LRP8: variants seen among roughly 807,000 people sequenced by gnomAD.
LRP8 encodes the protein low-density lipoprotein receptor-related protein 8.
A neutral mutation model predicts 111.6 loss-of-function variants in LRP8; 46 were observed. That is an observed-to-expected ratio of 0.41 (90% CI 0.33 to 0.53). LRP8 has a LOEUF of 0.53. LRP8 is among the 20% of genes least tolerant of loss of function. The pLI, the probability that LRP8 is intolerant of heterozygous loss-of-function variation, is 0.20. For synonymous variants in LRP8, 464 were observed against 511.2 expected (o/e 0.91, Z 1.24); for missense variants, 959 against 1,297.4 (o/e 0.74, Z 4.01).
chr1:53,272,632 T>C (rs1261219629), intron 6 of LRP8: 3 of 1,289,490 alleles, frequency 2.3e-6, no homozygotes, highest in East Asian at 1.1e-4. Flanking sequence ...TTCCCAGGAA[T>C]GTTGGCGGAA....
rs1646176783 is a variant in LRP8 at position 53,258,235 on chromosome 1, C to T, written c.2209+84G>A. 4 of 1,392,398 alleles carry T rather than the reference C, an allele frequency of 2.9e-6. No homozygotes were observed. The East Asian group carries it at 9.7e-5, about 34-fold the overall frequency. The allele number at this position is 1,392,398 out of a possible 1,614,324, so 86.3% of individuals were successfully genotyped here. On this transcript the variant is annotated intron_variant, in intron 14 of 18. Coordinates refer to ENST00000306052, the MANE Select transcript of LRP8 (RefSeq NM_004631.5). ...AAGATGGAAGAAAACCAGCAGCATACTGTGTCCCAGAAGCCAAGGGAAGAT... is the reference window on the plus strand; with the variant it reads ...AAGATGGAAGAAAACCAGCAGCATATTGTGTCCCAGAAGCCAAGGGAAGAT...
intron 2 of LRP8, among the ~76,000 whole-genome samples, chr1:53,300,059 G>T (rs1557835312): frequency 6.6e-6 from 1 of 152,206 alleles, no homozygotes; most frequent in East Asian, 1.9e-4. Context: ...TAATCAAAGA[G>T]CCATCTTTCC....
At chr1:53,252,658 T>C (rs1170097167) in intron 16 of LRP8, among the ~76,000 whole-genome samples, 1 of 152,188 alleles carries the variant, frequency 6.6e-6, no homozygotes, top group Non-Finnish European at 1.5e-5. Context: ...GTGTAATCTA[T>C]AAAATTCTGC....
intron 16 of LRP8, among the ~76,000 whole-genome samples, chr1:53,251,391 T>C (rs537979821): frequency 6.6e-6 from 1 of 152,122 alleles, no homozygotes; most frequent in African/African-American, 2.4e-5. Flanking sequence ...GAGTGTTTAT[T>C]TCCAAAGGTG....
At chr1:53,252,766 T>G (rs1400354909) in intron 16 of LRP8, among the ~76,000 whole-genome samples, 1 of 152,246 alleles carries the variant, frequency 6.6e-6, no homozygotes, top group Admixed American at 6.5e-5. Flanking sequence ...TAAACTCATA[T>G]ATCTAAAACA....
At chr1:53,315,129 T>C (rs1350714317) in intron 2 of LRP8, among the ~76,000 whole-genome samples, 2 of 151,996 alleles carry the variant, frequency 1.3e-5, no homozygotes, top group African/African-American at 4.8e-5. Flanking sequence ...ACCCCACCCC[T>C]CCTGAAGGTC....
rs186129592 is a variant in LRP8 at position 53,249,952 on chromosome 1, T to C, written c.2677-396A>G. ...GACAGTTCTGCCCTCAAGGATCTTA[T>C]GGGTTAGTGAGGAGACCACTGAGTA... On this transcript the variant is annotated intron_variant, in intron 17 of 18. Transcript: ENST00000306052. The surrounding 1 kb of genome is among the most constrained non-coding windows in gnomAD (Gnocchi z 4.1). Among the ~76,000 whole-genome samples, 2 of 152,154 alleles carry C rather than the reference T, an allele frequency of 1.3e-5. No individual in the cohort carries two copies. Among genetic ancestry groups the C allele is most frequent in the Non-Finnish European group, 2.9e-5 (2 of 68,034 alleles).
intron 2 of LRP8, chr1:53,292,265 T>A (rs1648921261): frequency 6.6e-6 from 1 of 152,226 alleles, no homozygotes; most frequent in Non-Finnish European, 1.5e-5. Flanking sequence ...CACACTTTGC[T>A]TAGAAGAATG....
chr1:53,315,025 C>T, intron 2 of LRP8, among the ~76,000 whole-genome samples: 1 of 152,156 alleles, frequency 6.6e-6, no homozygotes, highest in East Asian at 1.9e-4. Context: ...GTGTCCTGGC[C>T]ACTAAAGGAC....
intron 4 of LRP8, among the ~76,000 whole-genome samples, chr1:53,277,460 TA>T (rs753501916): frequency 7.7e-4 from 118 of 152,290 alleles, no homozygotes; most frequent in Non-Finnish European, 1.2e-3. Context: ...TGGCTCCTCA[TA>T]GCATAGCGAT....
At chr1:53,316,643 C>T (rs902055797) in intron 2 of LRP8, among the ~76,000 whole-genome samples, 36 of 152,202 alleles carry the variant, frequency 2.4e-4, no homozygotes, top group African/African-American at 7.2e-5. Context: ...ATCCCTGACT[C>T]TTAGGGGAAA....
intron 8 of LRP8, among the ~76,000 whole-genome samples, chr1:53,270,333 G>A (rs1646721079): frequency 1.3e-5 from 2 of 152,212 alleles, no homozygotes; most frequent in African/African-American, 2.4e-5. Flanking sequence ...TCACTCTGCA[G>A]TTCTCCCATC....
intron 2 of LRP8, among the ~76,000 whole-genome samples, chr1:53,301,034 G>A (rs1557837559): frequency 6.6e-6 from 1 of 152,202 alleles, no homozygotes; most frequent in Non-Finnish European, 1.5e-5. Flanking sequence ...TGGGGGGTGG[G>A]GTGGAGTGGT....
chr1:53,301,523 AC>A (rs950473655), intron 2 of LRP8, among the ~76,000 whole-genome samples: 11 of 152,280 alleles, frequency 7.2e-5, no homozygotes, highest in South Asian at 4.1e-4. Context: ...GGAGTTCAAT[AC>A]CAGCCTGGAC....
chr1:53,250,314 A>C lies in LRP8; in HGVS notation c.2676+376T>G, dbSNP rs1645853084. 1.3e-5 allele frequency among the ~76,000 whole-genome samples: 2 copies of C among 152,238 alleles called. No individual in the cohort carries two copies. Among genetic ancestry groups the C allele is most frequent in the African/African-American group, 4.8e-5 (2 of 41,450 alleles). On this transcript the variant is annotated intron_variant, in intron 17 of 18. Coordinates refer to ENST00000306052, the MANE Select transcript of LRP8 (RefSeq NM_004631.5). This position sits in a 1 kb window ranked among gnomAD's most constrained non-coding sequence, Gnocchi z 4.6. The stretch of plus-strand genomic sequence containing the variant: ...GGTTCTGAAAATTTACTGAGCAGAA[A>C]GAGAGACATTTGGCTTTTTTTACTG...
chr1:53,248,441 C>T (rs935867596), intron 18 of LRP8, among the ~76,000 whole-genome samples: 3 of 152,144 alleles, frequency 2.0e-5, no homozygotes, highest in Admixed American at 6.5e-5. Flanking sequence ...ATATTGATTT[C>T]CAGAGCTTCA....
chr1:53,253,309 C>T (rs2100347509), intron 16 of LRP8, among the ~76,000 whole-genome samples: 1 of 152,116 alleles, frequency 6.6e-6, no homozygotes, highest in South Asian at 2.1e-4. Context: ...CATAAACAAA[C>T]TTTAAAACCA....
rs973108401 is a variant in LRP8 at position 53,244,244 on chromosome 1, G to C, written c.*2774C>G. ...GGTAGCAGGTTTGATACAATGTTCA[G>C]GCAGCCCAAAATAGTCTTCCTGCAG... On this transcript the variant is annotated 3_prime_UTR_variant, in exon 19 of 19. Transcript: ENST00000306052. 1.3e-5 allele frequency: 2 copies of C among 152,212 alleles called. No individual in the cohort carries two copies. The highest frequency in any genetic ancestry group is 4.8e-5 in the African/African-American group (2 of 41,442). The allele number at this position is 152,212 out of a possible 1,614,324, so 9.4% of individuals were successfully genotyped here. A position where few individuals can be genotyped will look rare whatever the true frequency, so the allele number is the denominator to read the frequency against.
At position 53,266,544 on chromosome 1, in the gene LRP8, G is replaced by A. The variant is rs1449859894; in HGVS notation, c.1356C>T (p.Val452=). 1 of 1,614,150 alleles carries A rather than the reference G, an allele frequency of 6.2e-7. No homozygotes were observed. The highest frequency in any genetic ancestry group is 1.7e-5 in the Admixed American group (1 of 60,010). ...YSRLIPMLKN[V]VALDVEVATN... Reference sequence around the variant, plus strand: ...TGGCAACTTCCACATCTAGTGCCACGACATTCTTGAGCATGGGGATGAGGC... The same window carrying A: ...TGGCAACTTCCACATCTAGTGCCACAACATTCTTGAGCATGGGGATGAGGC... The change falls in exon 9 of 19, where the codon GTC becomes GTT. Residue 452 remains valine (V), a synonymous_variant. Transcript: ENST00000306052. This position sits in a 1 kb window ranked among gnomAD's most constrained non-coding sequence, Gnocchi z 5.0.
Sources: gnomAD v4.1 joint callset for allele counts (sites outside exome capture counted in the v4.1 genomes callset) on GRCh38, gnomAD v4.1.1 for gene constraint, Gnocchi (gnomAD v3.1) non-coding constraint, MANE v1.5 for transcripts, NCBI Gene and HGNC (gene_info 2026-07-23, HGNC 2026-07-21) for gene names.